GNA15: variants seen among roughly 807,000 people sequenced by gnomAD.
The protein encoded by GNA15 is G protein subunit alpha 15.
In GNA15, 23 loss-of-function variants were observed where a neutral mutation model predicts 40.1. That is an observed-to-expected ratio of 0.57 (90% CI 0.41 to 0.81). GNA15 has a LOEUF of 0.81. Among genes scored for constraint, GNA15 ranks in the 40% least tolerant of loss-of-function variants. The pLI is 0.00. For synonymous variants in GNA15, 226 were observed against 210.4 expected, an observed-to-expected ratio of 1.07 and a Z score of -0.64; for missense variants, 522 against 515.8, an observed-to-expected ratio of 1.01 and a Z score of -0.12.
chr19:3,137,977 TAAATA>T (rs1029944764), intron 1 of GNA15, among the ~76,000 whole-genome samples: 1 of 151,296 alleles, frequency 6.6e-6, no homozygotes. Context: ...TAAATAAATA[TAAATA>T]AAATAAATAA....
At position 3,147,564 on chromosome 19, in the gene GNA15, AG is replaced by A. The variant is rs558780971; in HGVS notation, c.146-1026del. 2.1e-3 allele frequency among the ~76,000 whole-genome samples: 185 copies of A among 88,502 alleles called. 1 individual carries two copies. In the Middle Eastern group the frequency reaches 0.022, roughly 11 times the overall value. 58.1% of individuals were successfully genotyped at this position (88,502 alleles called of 152,430 possible). Reference sequence around the variant, plus strand: ...AATCTGTCTAAAAAAAAAGAAAAAAAGAAAAAAGAAAAAAACCCATAAGAAC... The same window carrying A: ...AATCTGTCTAAAAAAAAAGAAAAAAAAAAAAAGAAAAAAACCCATAAGAAC... On this transcript the variant is annotated intron_variant, in intron 1 of 6. Coordinates refer to ENST00000262958, the MANE Select transcript of GNA15 (RefSeq NM_002068.4).
At chr19:3,156,033 G>C in intron 5 of GNA15, 81 bp downstream of exon 5, 1 of 1,347,310 alleles carries the variant, frequency 7.4e-7, no homozygotes, top group African/African-American at 1.4e-5. Context: ...TGCAGAAAGG[G>C]AGGGATCCCT....
chr19:3,148,839 C>A, intron 2 of GNA15, 64 bp downstream of exon 2: 1 of 1,463,080 alleles, frequency 6.8e-7, no homozygotes, highest in South Asian at 1.3e-5. Flanking sequence ...TTCCCCAGAC[C>A]CCGGAGCAGG....
At position 3,136,674 on chromosome 19, in the gene GNA15, G is replaced by A. The variant is rs892924949; in HGVS notation, c.145+79G>A. 15 of 1,347,550 alleles carry A rather than the reference G, an allele frequency of 1.1e-5. No homozygotes were observed. Among genetic ancestry groups the A allele is most frequent in the Middle Eastern group, 2.5e-4 (1 of 3,956 alleles). The allele number at this position is 1,347,550 out of a possible 1,614,324, so 83.5% of individuals were successfully genotyped here. Reference sequence around the variant, plus strand: ...GGCAGGGGTGTCGGGGCAAGGAGGCGGATCAGGCTAGGTCAGACATTGGCA... The same window carrying A: ...GGCAGGGGTGTCGGGGCAAGGAGGCAGATCAGGCTAGGTCAGACATTGGCA... On this transcript the variant is annotated intron_variant, in intron 1 of 6. Transcript: ENST00000262958. This position sits in a 1 kb window ranked among gnomAD's most constrained non-coding sequence, Gnocchi z 4.9.
intron 6 of GNA15, among the ~76,000 whole-genome samples, chr19:3,162,034 A>AAAT (rs138333994): frequency 1.3e-3 from 190 of 149,964 alleles, no homozygotes; most frequent in Non-Finnish European, 2.1e-3. Context: ...CTCTGTCTCA[A>AAAT]AATAATAATA....
In GNA15 at chr19:3,148,870, G is replaced by A. The variant is rs1353912241; in HGVS notation, c.330+95G>A. 7.6e-5 allele frequency: 67 copies of A among 885,786 alleles called. No homozygotes were observed. In the Admixed American group the frequency reaches 2.1e-3, roughly 27 times the overall value. 54.9% of individuals were successfully genotyped at this position (885,786 alleles called of 1,614,324 possible). On this transcript the variant is annotated intron_variant, in intron 2 of 6. Transcript: ENST00000262958. ...GCAGGGCCAAGTTCCCCAGACTTCA[G>A]GGCAGGGCAGGGCAGGGCAGGGCAG...
chr19:3,136,675 G>A lies in GNA15; in HGVS notation c.145+80G>A. 7.5e-7 allele frequency: 1 copy of A among 1,334,752 alleles called. No homozygotes were observed. Among genetic ancestry groups the A allele is most frequent in the African/African-American group, 1.5e-5 (1 of 68,490 alleles). The allele number at this position is 1,334,752 out of a possible 1,614,324, so 82.7% of individuals were successfully genotyped here. On this transcript the variant is annotated intron_variant, in intron 1 of 6. Coordinates refer to ENST00000262958, the MANE Select transcript of GNA15 (RefSeq NM_002068.4). The surrounding 1 kb of genome is among the most constrained non-coding windows in gnomAD (Gnocchi z 4.9). ...GCAGGGGTGTCGGGGCAAGGAGGCGGATCAGGCTAGGTCAGACATTGGCAT... is the reference window on the plus strand; with the variant it reads ...GCAGGGGTGTCGGGGCAAGGAGGCGAATCAGGCTAGGTCAGACATTGGCAT...
intron 5 of GNA15, 149 bp from the exon 6 acceptor site, chr19:3,157,579 G>A: frequency 1.5e-6 from 1 of 653,850 alleles, no homozygotes; most frequent in Non-Finnish European, 2.7e-6. Context: ...CTGTCCATAT[G>A]GAAACACGGG....
chr19:3,157,678 T>C, intron 5 of GNA15, 50 bp from the exon 6 acceptor site: 1 of 1,567,176 alleles, frequency 6.4e-7, no homozygotes, highest in Non-Finnish European at 8.8e-7. Flanking sequence ...GAGGGTTTCC[T>C]GTCCCACCTG....
chr19:3,145,659 T>G (rs1914704653), intron 1 of GNA15, among the ~76,000 whole-genome samples: 1 of 104,290 alleles, frequency 9.6e-6, no homozygotes, highest in Non-Finnish European at 2.1e-5. Context: ...GCAATTCTTC[T>G]GCCTCAGCCT....
At chr19:3,154,261 G>T in intron 4 of GNA15, among the ~76,000 whole-genome samples, 1 of 151,088 alleles carries the variant, frequency 6.6e-6, no homozygotes, top group East Asian at 2.0e-4. Flanking sequence ...GGTGATGGAT[G>T]GATGGATGAA....
chr19:3,140,104 GT>G (rs1914548005), intron 1 of GNA15, among the ~76,000 whole-genome samples: 1 of 123,404 alleles, frequency 8.1e-6, no homozygotes, highest in Non-Finnish European at 1.8e-5. Context: ...ATATTAATGT[GT>G]CATATTATGT....
chr19:3,154,596 G>GTAGATGGA (rs1163821426), intron 4 of GNA15, among the ~76,000 whole-genome samples: 10 of 150,482 alleles, frequency 6.6e-5, no homozygotes, highest in African/African-American at 2.2e-4. Context: ...GGATAGATGG[G>GTAGATGGA]TAGATGGATA....
intron 1 of GNA15, among the ~76,000 whole-genome samples, chr19:3,148,189 A>G (rs1337348625): frequency 1.3e-5 from 2 of 151,984 alleles, no homozygotes; most frequent in African/African-American, 4.8e-5. Context: ...CCCAGGTTCA[A>G]GCGATTCTCC....
Position 3,162,969 on chromosome 19 carries a change from G to C in GNA15, c.1075G>C (p.Val359Leu), listed in dbSNP as rs757501367. The part of the protein sequence containing the change: ...TQNIRKVFKD[V>L]RDSVLARYLD... ...GAACATCCGCAAGGTCTTCAAGGAC[G>C]TGCGGGACTCGGTGCTCGCCCGCTA... is the stretch of plus-strand genomic sequence containing the variant. The change falls in exon 7 of 7, where the codon GTG becomes CTG. Residue 359 changes from valine to leucine, a missense_variant. By Grantham distance (32) the Val-to-Leu change is conservative. Transcript: ENST00000262958. 31 of 1,613,896 alleles carry C rather than the reference G, an allele frequency of 1.9e-5. No homozygotes were observed. The highest frequency in any genetic ancestry group is 2.5e-5 in the Non-Finnish European group (30 of 1,179,896).
Position 3,162,837 on chromosome 19 carries a change from A to G in GNA15, c.943A>G (p.Met315Val). The change falls in exon 7 of 7, where the codon ATG (methionine) becomes GTG (valine). Residue 315 changes from methionine to valine, a missense_variant. Physicochemically the swap from Met to Val is conservative, Grantham distance 21 (BLOSUM62 1). Coordinates refer to ENST00000262958, the MANE Select transcript of GNA15 (RefSeq NM_002068.4). Reference protein sequence around the residue: ...AEAAKRFILDMYTRMYTGCVD... With the variant: ...AEAAKRFILDVYTRMYTGCVD... ...GGCAGCCAAGAGGTTCATCCTGGAC[A>G]TGTACACGAGGATGTACACCGGGTG... 1 of 1,613,940 alleles carries G rather than the reference A, an allele frequency of 6.2e-7. No homozygotes were observed. The highest frequency in any genetic ancestry group is 1.6e-4 in the Middle Eastern group (1 of 6,062).
rs1371116412 is a variant in GNA15, at chr19:3,151,225, G to A, written c.486-482G>A. On this transcript the variant is annotated intron_variant, in intron 3 of 6. Transcript: ENST00000262958. This position sits in a 1 kb window ranked among gnomAD's most constrained non-coding sequence, Gnocchi z 5.0. ...ATTCTGGGGGGACCCTGTTCCTGGA[G>A]TGACCCTGTTCCTGGGGGGACCCTG... Among the ~76,000 whole-genome samples the A allele has an allele frequency of 6.6e-6, 1 of 151,810 alleles. No homozygotes were observed. The highest frequency in any genetic ancestry group is 1.5e-5 in the Non-Finnish European group (1 of 67,872).
In GNA15 at chr19:3,157,159, G is replaced by A. The variant is rs138015633; in HGVS notation, c.745-569G>A. On this transcript the variant is annotated intron_variant, in intron 5 of 6. Transcript: ENST00000262958. Reference sequence around the variant, plus strand: ...TTTACAGGCACCTGCCATCATGCCCGGCTAATTTTTTGTATTTTTAGTAGA... The same window carrying A: ...TTTACAGGCACCTGCCATCATGCCCAGCTAATTTTTTGTATTTTTAGTAGA... 1.7e-3 allele frequency among the ~76,000 whole-genome samples: 256 copies of A among 151,870 alleles called. 1 individual carries two copies. The highest frequency in any genetic ancestry group is 5.8e-3 in the African/African-American group (242 of 41,444).
At chr19:3,137,373 G>A (rs1224419898) in intron 1 of GNA15, among the ~76,000 whole-genome samples, 4 of 152,200 alleles carry the variant, frequency 2.6e-5, no homozygotes, top group South Asian at 4.1e-4. Context: ...CTGGCTGGGT[G>A]CAGTGGCTCA....
Sources: gnomAD v4.1 joint callset for allele counts (sites outside exome capture counted in the v4.1 genomes callset) on GRCh38, gnomAD v4.1.1 for gene constraint, Gnocchi (gnomAD v3.1) non-coding constraint, MANE v1.5 for transcripts, NCBI Gene and HGNC (gene_info 2026-07-23, HGNC 2026-07-21) for gene names.